PPM1A: variants seen among roughly 807,000 people sequenced by gnomAD.
PPM1A encodes protein phosphatase 1A.
In PPM1A, 7 loss-of-function variants were observed where a neutral mutation model predicts 35.0. The ratio of observed to expected loss-of-function variants is 0.20; its 90% confidence interval spans 0.11 to 0.38. PPM1A has a LOEUF of 0.38. Ranked by LOEUF, PPM1A falls within the 10% of genes least tolerant of loss-of-function variation. The probability of loss-of-function intolerance (pLI) is 1.00; values close to 1 mark genes in which losing one functional copy is unlikely to be tolerated. For missense variants in PPM1A, 239 were observed against 467.8 expected (o/e 0.51, Z 4.51); for synonymous variants, 153 against 167.3 (o/e 0.91, Z 0.66).
At chr14:60,277,986 A>G (rs777739788) in intron 1 of PPM1A, among the ~76,000 whole-genome samples, 8 of 152,258 alleles carry the variant, frequency 5.3e-5, no homozygotes, top group African/African-American at 1.7e-4. Flanking sequence ...GACCTTCAGC[A>G]GATGACTTAA....
intron 2 of PPM1A, among the ~76,000 whole-genome samples, chr14:60,284,334 G>T (rs1353781589): frequency 6.6e-6 from 1 of 152,162 alleles, no homozygotes; most frequent in Non-Finnish European, 1.5e-5. Flanking sequence ...CTTTAAAATG[G>T]AGATAATAGT....
intron 1 of PPM1A, among the ~76,000 whole-genome samples, chr14:60,265,686 G>C (rs1000624779): frequency 6.6e-6 from 1 of 152,204 alleles, no homozygotes; most frequent in African/African-American, 2.4e-5. Context: ...TCTTGGTTCT[G>C]AGGGTGGTAA....
In PPM1A at chr14:60,249,409, C is replaced by T. The variant is rs1261024788; in HGVS notation, c.-289C>T. ...CTGAGGCGCGAAAGCGATGAGTCCTCGGCTCTTCCTCCTCCTTCTCCGGGA... is the reference window on the plus strand; with the variant it reads ...CTGAGGCGCGAAAGCGATGAGTCCTTGGCTCTTCCTCCTCCTTCTCCGGGA... On this transcript the variant is annotated 5_prime_UTR_variant, in exon 1 of 6. Transcript: ENST00000395076. This position sits in a 1 kb window ranked among gnomAD's most constrained non-coding sequence, Gnocchi z 4.5. The T allele has an allele frequency of 1.0e-6, 1 of 984,724 alleles. No individual in the cohort carries two copies. The highest frequency in any genetic ancestry group is 1.8e-5 in the African/African-American group (1 of 57,134). 61.0% of individuals were successfully genotyped at this position (984,724 alleles called of 1,614,324 possible).
In PPM1A at chr14:60,297,967, A is replaced by G. The variant is rs947549461; in HGVS notation, c.*5485A>G. The G allele has an allele frequency of 6.6e-6, 1 of 151,668 alleles. No individual in the cohort carries two copies. Among genetic ancestry groups the G allele is most frequent in the East Asian group, 1.9e-4 (1 of 5,192 alleles). 9.4% of individuals were successfully genotyped at this position (151,668 alleles called of 1,614,324 possible). ...CTGCAAAGCCCAAAAGTATATTTCT[A>G]GGGCATGAAAATAACTTGAGTCTAT... is the stretch of plus-strand genomic sequence containing the variant. On this transcript the variant is annotated 3_prime_UTR_variant, in exon 6 of 6. Coordinates refer to ENST00000395076, the MANE Select transcript of PPM1A (RefSeq NM_021003.5).
intron 1 of PPM1A, among the ~76,000 whole-genome samples, chr14:60,274,878 ACT>A (rs151054748): frequency 6.6e-6 from 1 of 151,844 alleles, no homozygotes; most frequent in African/African-American, 2.4e-5. Context: ...GCTAATGAAT[ACT>A]GAGTCTCCCT....
chr14:60,264,766 TC>T (rs1884178613), intron 1 of PPM1A, among the ~76,000 whole-genome samples: 1 of 152,226 alleles, frequency 6.6e-6, no homozygotes, highest in Non-Finnish European at 1.5e-5. Context: ...TTTGACTTTG[TC>T]CAGCTAGAGT....
intron 4 of PPM1A, among the ~76,000 whole-genome samples, chr14:60,290,685 G>A (rs539944202): frequency 3.3e-5 from 5 of 152,088 alleles, no homozygotes; most frequent in African/African-American, 4.8e-5. Flanking sequence ...TAATTTTCTC[G>A]ATTCTCTACT....
Position 60,249,248 on chromosome 14 carries a change from G to T in PPM1A, c.-450G>T. ...AGGCGGCGGCGGCGGCGGTGGCGGC[G>T]CTAGGGACGGGAGCGCGCGCGGGAG... On this transcript the variant is annotated 5_prime_UTR_variant, in exon 1 of 6. Coordinates refer to ENST00000395076, the MANE Select transcript of PPM1A (RefSeq NM_021003.5). The surrounding 1 kb of genome is among the most constrained non-coding windows in gnomAD (Gnocchi z 4.5). 1 of 987,966 alleles carries T rather than the reference G, an allele frequency of 1.0e-6. No homozygotes were observed. Among genetic ancestry groups the T allele is most frequent in the Non-Finnish European group, 1.2e-6 (1 of 832,160 alleles). 61.2% of individuals were successfully genotyped at this position (987,966 alleles called of 1,614,324 possible).
In PPM1A at chr14:60,275,266, A is replaced by G. The variant is rs542059417; in HGVS notation, c.-20-7418A>G. On this transcript the variant is annotated intron_variant, in intron 1 of 5. Coordinates refer to ENST00000395076, the MANE Select transcript of PPM1A (RefSeq NM_021003.5). ...TTCATTACCTCATTTGCAAGGATAC[A>G]GGATAGCACATGTAGGAGAATTGGA... Among the ~76,000 whole-genome samples, 3 of 151,924 alleles carry G rather than the reference A, an allele frequency of 2.0e-5. No homozygotes were observed. In the South Asian group the frequency reaches 6.2e-4, roughly 32 times the overall value.
At chr14:60,247,549 G>C (rs1881863976), upstream of PPM1A, among the ~76,000 whole-genome samples, 1 of 145,378 alleles carries the variant, frequency 6.9e-6, no homozygotes, top group Admixed American at 7.2e-5. Context: ...AGAATGGCAT[G>C]AACCCGGGAG....
intron 1 of PPM1A, among the ~76,000 whole-genome samples, chr14:60,250,215 T>A (rs905938339): frequency 6.6e-6 from 1 of 152,198 alleles, no homozygotes; most frequent in Non-Finnish European, 1.5e-5. Flanking sequence ...GAGAGACTCC[T>A]TCAGAACTCA....
In PPM1A at chr14:60,286,216, G is replaced by A. The variant is rs1239262212; in HGVS notation, c.952+475G>A. The A allele has an allele frequency of 7.1e-6, 7 of 985,812 alleles. No individual in the cohort carries two copies. In the Admixed American group the frequency reaches 2.5e-4, roughly 35 times the overall value. 61.1% of individuals were successfully genotyped at this position (985,812 alleles called of 1,614,324 possible). ...CATCATTAGCAACTTTATATACACA[G>A]CTTTAAAAAATTTGCTTTAAACTGT... On this transcript the variant is annotated intron_variant, in intron 3 of 5. Coordinates refer to ENST00000395076, the MANE Select transcript of PPM1A (RefSeq NM_021003.5).
At chr14:60,259,943 C>T (rs1883558396) in intron 1 of PPM1A, among the ~76,000 whole-genome samples, 1 of 151,950 alleles carries the variant, frequency 6.6e-6, no homozygotes. Context: ...GATCACAGCA[C>T]AACTAGAAGA....
At chr14:60,264,429 C>G (rs928889103) in intron 1 of PPM1A, among the ~76,000 whole-genome samples, 3 of 152,006 alleles carry the variant, frequency 2.0e-5, no homozygotes, top group Admixed American at 6.6e-5. Context: ...AAAATTGTAT[C>G]TGTGTCATAG....
In PPM1A at chr14:60,295,086, T is replaced by A. The variant is rs1460646183; in HGVS notation, c.*2604T>A. The A allele has an allele frequency of 1.3e-5, 2 of 151,776 alleles. No individual in the cohort carries two copies. The highest frequency in any genetic ancestry group is 4.8e-5 in the African/African-American group (2 of 41,408). 9.4% of individuals were successfully genotyped at this position (151,776 alleles called of 1,614,324 possible). On this transcript the variant is annotated 3_prime_UTR_variant, in exon 6 of 6. Transcript: ENST00000395076. ...GCATCTCAGGGCAATGCCTCAAAAATGTTTGATGTGTTCTGTTCTTTGGAG... is the reference window on the plus strand; with the variant it reads ...GCATCTCAGGGCAATGCCTCAAAAAAGTTTGATGTGTTCTGTTCTTTGGAG...
In PPM1A at chr14:60,273,532, C is replaced by T. The variant is rs1885407093; in HGVS notation, c.-20-9152C>T. On this transcript the variant is annotated intron_variant, in intron 1 of 5. Transcript: ENST00000395076. The surrounding 1 kb of genome is among the most constrained non-coding windows in gnomAD (Gnocchi z 4.3). ...ATATTAAGCAGTTATTTATCCACCT[C>T]CTACCCCCAGCAGTGGAAAGCCATT... Among the ~76,000 whole-genome samples, 1 of 152,174 alleles carries T rather than the reference C, an allele frequency of 6.6e-6. No homozygotes were observed. Among genetic ancestry groups the T allele is most frequent in the African/African-American group, 2.4e-5 (1 of 41,436 alleles).
intron 1 of PPM1A, among the ~76,000 whole-genome samples, chr14:60,271,639 C>T (rs17097262): frequency 0.075 from 11,453 of 152,158 alleles, 724 homozygotes; most frequent in African/African-American, 0.18. Flanking sequence ...AGAGGAAATA[C>T]GTGAAGGTCA....
chr14:60,247,953 T>A (rs544554041), upstream of PPM1A, among the ~76,000 whole-genome samples: 3 of 152,302 alleles, frequency 2.0e-5, no homozygotes, highest in African/African-American at 7.2e-5. Context: ...AGTCTTTGGT[T>A]TGTGTGTGCA....
chr14:60,257,434 G>T (rs1883261819), intron 1 of PPM1A, among the ~76,000 whole-genome samples: 1 of 152,130 alleles, frequency 6.6e-6, no homozygotes. Flanking sequence ...ATGTGAGCTG[G>T]AAATACAGCA....
Sources: gnomAD v4.1 joint callset for allele counts (sites outside exome capture counted in the v4.1 genomes callset) on GRCh38, gnomAD v4.1.1 for gene constraint, Gnocchi (gnomAD v3.1) non-coding constraint, MANE v1.5 for transcripts, NCBI Gene and HGNC (gene_info 2026-07-23, HGNC 2026-07-21) for gene names.